ITGBL1: variants seen among roughly 807,000 people sequenced by gnomAD.
The protein encoded by ITGBL1 is integrin subunit beta like 1.
A neutral mutation model predicts 68.5 loss-of-function variants in ITGBL1; 51 were observed. That is an observed-to-expected ratio of 0.74 (90% confidence interval 0.59 to 0.94). ITGBL1 has a LOEUF of 0.94. Among genes scored for constraint, ITGBL1 ranks in the 40% least tolerant of loss-of-function variants. ITGBL1 has a pLI of 0.00. For missense variants in ITGBL1, 649 were observed against 647.4 expected (o/e 1.00, Z -0.03); for synonymous variants, 209 against 227.3 (o/e 0.92, Z 0.72).
intron 2 of ITGBL1, among the ~76,000 whole-genome samples, chr13:101,520,745 G>A (rs1442321504): frequency 1.3e-5 from 2 of 152,240 alleles, no homozygotes; most frequent in African/African-American, 4.8e-5. Flanking sequence ...GGGAATGCAA[G>A]TCATTTGCTG....
chr13:101,646,746 A>G (rs1459986721), intron 7 of ITGBL1, among the ~76,000 whole-genome samples: 4 of 152,264 alleles, frequency 2.6e-5, no homozygotes, highest in East Asian at 3.9e-4. Context: ...AAATGGTTAA[A>G]TAGAATGCTG....
At chr13:101,554,437 C>T (rs926316212) in intron 2 of ITGBL1, among the ~76,000 whole-genome samples, 5 of 152,210 alleles carry the variant, frequency 3.3e-5, no homozygotes, top group South Asian at 2.1e-4. Flanking sequence ...CTGTCTTACA[C>T]GATGACATCT....
chr13:101,458,350 T>A (rs866903633), intron 2 of ITGBL1, among the ~76,000 whole-genome samples: 2 of 152,302 alleles, frequency 1.3e-5, no homozygotes, highest in Middle Eastern at 3.4e-3. Context: ...AGCAAAAGTG[T>A]AGAAGCAGAA....
intron 6 of ITGBL1, among the ~76,000 whole-genome samples, chr13:101,585,672 C>T (rs1052374662): frequency 6.6e-5 from 10 of 152,136 alleles, no homozygotes; most frequent in South Asian, 6.2e-4. Flanking sequence ...CCTTGTGATC[C>T]GCCAGCCTCG....
At chr13:101,684,415 A>T (rs183517343) in intron 7 of ITGBL1, among the ~76,000 whole-genome samples, 1 of 151,954 alleles carries the variant, frequency 6.6e-6, no homozygotes, top group African/African-American at 2.4e-5. Flanking sequence ...TTGTAGTTAC[A>T]TCGAATCTAT....
intron 3 of ITGBL1, among the ~76,000 whole-genome samples, chr13:101,571,048 T>C (rs2050263903): frequency 6.6e-6 from 1 of 152,098 alleles, no homozygotes; most frequent in Non-Finnish European, 1.5e-5. Context: ...TACACATACA[T>C]GCATATTTTA....
At chr13:101,615,766 A>G (rs556021851) in intron 7 of ITGBL1, among the ~76,000 whole-genome samples, 1 of 152,268 alleles carries the variant, frequency 6.6e-6, no homozygotes, top group African/African-American at 2.4e-5. Flanking sequence ...TTCAGCCGGG[A>G]AGACAGAGAC....
chr13:101,491,698 C>T (rs1193662436), intron 2 of ITGBL1, among the ~76,000 whole-genome samples: 1 of 152,054 alleles, frequency 6.6e-6, no homozygotes, highest in African/African-American at 2.4e-5. Context: ...CATAGGTATA[C>T]ACATGCCATG....
chr13:101,648,392 C>T (rs1443100407), intron 7 of ITGBL1, among the ~76,000 whole-genome samples: 1 of 152,060 alleles, frequency 6.6e-6, no homozygotes, highest in African/African-American at 2.4e-5. Context: ...TCAAGTAGTG[C>T]GTTTAACACA....
intron 7 of ITGBL1, among the ~76,000 whole-genome samples, chr13:101,626,724 CAGT>C (rs1257243694): frequency 6.6e-6 from 1 of 152,104 alleles, no homozygotes; most frequent in African/African-American, 2.4e-5. Context: ...AAAATCTAAT[CAGT>C]AGATATTTTT....
chr13:101,657,263 A>G (rs2032955652), intron 7 of ITGBL1, among the ~76,000 whole-genome samples: 1 of 152,208 alleles, frequency 6.6e-6, no homozygotes, highest in Non-Finnish European at 1.5e-5. Flanking sequence ...TTCAAGTTGC[A>G]CAAAAATTTA....
chr13:101,704,284 G>T (rs1457407297), intron 8 of ITGBL1, among the ~76,000 whole-genome samples: 1 of 151,996 alleles, frequency 6.6e-6, no homozygotes, highest in South Asian at 2.1e-4. Flanking sequence ...TATTAAGTGG[G>T]GATGCTAATA....
rs530453541 is a variant in ITGBL1 at position 101,612,028 on chromosome 13, T to C, written c.1015+13729T>C. ...TATATTCTTCAGTTATGGCATTCTT[T>C]CCTTTGGAATATAACAATTTAAGAT... On this transcript the variant is annotated intron_variant, in intron 7 of 10. Coordinates refer to ENST00000376180, the MANE Select transcript of ITGBL1 (RefSeq NM_004791.3). Among the ~76,000 whole-genome samples, 11 of 152,308 alleles carry C rather than the reference T, an allele frequency of 7.2e-5. No individual in the cohort carries two copies. The South Asian group carries it at 2.3e-3, about 32-fold the overall frequency.
At chr13:101,496,152 C>A (rs953979070) in intron 2 of ITGBL1, among the ~76,000 whole-genome samples, 1 of 152,092 alleles carries the variant, frequency 6.6e-6, no homozygotes, top group South Asian at 2.1e-4. Flanking sequence ...TAATATGTAA[C>A]CTATTTTTGT....
chr13:101,517,425 G>C (rs963566095), intron 2 of ITGBL1, among the ~76,000 whole-genome samples: 1 of 152,006 alleles, frequency 6.6e-6, no homozygotes, highest in Non-Finnish European at 1.5e-5. Flanking sequence ...GCTCATCTAG[G>C]GGTGCTCTTT....
intron 9 of ITGBL1, chr13:101,713,905 T>C (rs2034593925): frequency 6.5e-6 from 1 of 152,910 alleles, no homozygotes; most frequent in Admixed American, 6.5e-5. Flanking sequence ...ACTGAGTGAC[T>C]GTATGCATTT....
At chr13:101,508,593 G>A (rs1341589134) in intron 2 of ITGBL1, among the ~76,000 whole-genome samples, 1 of 152,054 alleles carries the variant, frequency 6.6e-6, no homozygotes, top group East Asian at 1.9e-4. Flanking sequence ...AAAGCTTAGA[G>A]GGTGTGTTTT....
Position 101,489,899 on chromosome 13 carries a change from G to A in ITGBL1, c.316+35799G>A, listed in dbSNP as rs1243850827. ...CCAGTGAGAGGTGGACTAAAGGTTA[G>A]TGTGACGGTTGCTAGCTTTTAGAAC... On this transcript the variant is annotated intron_variant, in intron 2 of 10. Transcript: ENST00000376180. 4 of 1,080,184 alleles carry A rather than the reference G, an allele frequency of 3.7e-6. No individual in the cohort carries two copies. In the African/African-American group the frequency reaches 6.2e-5, roughly 17 times the overall value. The allele number at this position is 1,080,184 out of a possible 1,614,324, so 66.9% of individuals were successfully genotyped here.
intron 2 of ITGBL1, among the ~76,000 whole-genome samples, chr13:101,566,948 C>G (rs2050191972): frequency 6.6e-6 from 1 of 152,104 alleles, no homozygotes; most frequent in Admixed American, 6.6e-5. Context: ...TTAGCCTTGA[C>G]TTTGAAGTTT....
Sources: gnomAD v4.1 joint callset for allele counts (sites outside exome capture counted in the v4.1 genomes callset) on GRCh38, gnomAD v4.1.1 for gene constraint, MANE v1.5 for transcripts, NCBI Gene and HGNC (gene_info 2026-07-23, HGNC 2026-07-21) for gene names.